CASD1: variants seen among roughly 807,000 people sequenced by gnomAD.
CASD1 encodes the protein N-acetylneuraminate (7)9-O-acetyltransferase.
A neutral mutation model predicts 100.0 loss-of-function variants in CASD1; 41 were observed. The observed-to-expected ratio is 0.41, with a 90% CI of 0.32 to 0.53. CASD1 has a LOEUF of 0.53. CASD1 is among the 20% of genes least tolerant of loss of function. CASD1 has a pLI of 0.25. For synonymous variants in CASD1, 321 were observed against 315.6 expected, an observed-to-expected ratio of 1.02 and a Z score of -0.18; for missense variants, 774 against 948.7, an observed-to-expected ratio of 0.82 and a Z score of 2.42.
chr7:94,547,968 A>G (rs1333071559), intron 13 of CASD1, among the ~76,000 whole-genome samples: 2 of 150,728 alleles, frequency 1.3e-5, no homozygotes, highest in Non-Finnish European at 3.0e-5. Flanking sequence ...GTAGACTTTT[A>G]TATTTGTTTT....
the CASD1 span, among the ~76,000 whole-genome samples, chr7:94,564,596 C>G: frequency 6.6e-6 from 1 of 152,134 alleles, no homozygotes; most frequent in Non-Finnish European, 1.5e-5. Flanking sequence ...CTGCAGGGTC[C>G]TGGCTAAAGT....
In CASD1 at chr7:94,551,495, T is replaced by C; in HGVS notation, c.1956+17T>C. The C allele has an allele frequency of 7.6e-7, 1 of 1,316,884 alleles. No homozygotes were observed. The highest frequency in any genetic ancestry group is 1.0e-6 in the Non-Finnish European group (1 of 988,772). 81.6% of individuals were successfully genotyped at this position (1,316,884 alleles called of 1,614,324 possible). A position where few individuals can be genotyped will look rare whatever the true frequency, so the allele number is the denominator to read the frequency against. On this transcript the variant is annotated intron_variant, in intron 15 of 17. Coordinates refer to ENST00000297273, the MANE Select transcript of CASD1 (RefSeq NM_022900.5). ...TCTTTCTTGGTAAGTTTTGAAAACT[T>C]TCCAAAATTCTAAATGGTATGGAAT... is the stretch of plus-strand genomic sequence containing the variant.
the CASD1 span, among the ~76,000 whole-genome samples, chr7:94,611,719 C>A: frequency 6.6e-6 from 1 of 151,948 alleles, no homozygotes; most frequent in Non-Finnish European, 1.5e-5. Flanking sequence ...CACAAAAGTT[C>A]AAAGCTATGT....
intron 9 of CASD1, among the ~76,000 whole-genome samples, chr7:94,538,132 G>T (rs546656060): frequency 2.6e-5 from 4 of 152,266 alleles, no homozygotes; most frequent in African/African-American, 9.6e-5. Flanking sequence ...TATGACCTGT[G>T]AAAAAGATTT....
chr7:94,569,294 A>G, the CASD1 span, among the ~76,000 whole-genome samples: 1 of 152,240 alleles, frequency 6.6e-6, no homozygotes, highest in Non-Finnish European at 1.5e-5. Context: ...TGATAATTGT[A>G]ATTGGAACTA....
At chr7:94,611,555 T>C in the CASD1 span, among the ~76,000 whole-genome samples, 2 of 152,152 alleles carry the variant, frequency 1.3e-5, no homozygotes, top group East Asian at 1.9e-4. Flanking sequence ...ATAACAACTT[T>C]CTAAAATTGG....
chr7:94,549,119 A>T (rs1028907246), intron 13 of CASD1, among the ~76,000 whole-genome samples: 3 of 151,990 alleles, frequency 2.0e-5, no homozygotes, highest in African/African-American at 4.8e-5. Context: ...TACTGATACC[A>T]TACTGGCTGA....
At chr7:94,608,467 A>C in the CASD1 span, among the ~76,000 whole-genome samples, 1 of 152,274 alleles carries the variant, frequency 6.6e-6, no homozygotes, top group African/African-American at 2.4e-5. Context: ...ATGGATAGGA[A>C]GACTAAATAT....
intron 13 of CASD1, among the ~76,000 whole-genome samples, chr7:94,549,022 CTT>C (rs750925517): frequency 6.6e-6 from 1 of 151,902 alleles, no homozygotes; most frequent in Admixed American, 6.6e-5. Context: ...TCAGAGGACT[CTT>C]TTAACTCAAA....
At chr7:94,578,998 C>A in the CASD1 span, among the ~76,000 whole-genome samples, 8 of 151,874 alleles carry the variant, frequency 5.3e-5, no homozygotes, top group African/African-American at 1.9e-4. Context: ...ACCTTCATAA[C>A]TTTTATATTA....
the CASD1 span, chr7:94,629,074 A>G: frequency 6.6e-6 from 1 of 152,252 alleles, no homozygotes; most frequent in Non-Finnish European, 1.5e-5. Context: ...TTCTTATACA[A>G]TATAATTTTC....
At chr7:94,536,112 A>G (rs1462858376) in intron 8 of CASD1, among the ~76,000 whole-genome samples, 1 of 152,038 alleles carries the variant, frequency 6.6e-6, no homozygotes, top group East Asian at 1.9e-4. Context: ...GTGTGGTGGC[A>G]CACGCTTGTA....
In CASD1 at chr7:94,533,227, T is replaced by C. The variant is rs371747135; in HGVS notation, c.482T>C (p.Val161Ala). The change falls in exon 6 of 18, where the codon GTG becomes GCG. Residue 161 changes from valine (V) to alanine (A), a missense_variant. Transcript: ENST00000297273. ...TAGGATTCCATTGCAAAGCCACATG[T>C]GATTGTAGCAGGAGCTGCCACAGTA... Reference protein sequence around the residue: ...WTEDSIAKPHVIVAGAATWSI... With the variant: ...WTEDSIAKPHAIVAGAATWSI... 1.1e-5 allele frequency: 18 copies of C among 1,610,436 alleles called. No individual in the cohort carries two copies. The highest frequency in any genetic ancestry group is 1.5e-5 in the Non-Finnish European group (18 of 1,177,660).
chr7:94,615,260 G>A, the CASD1 span, among the ~76,000 whole-genome samples: 1 of 152,156 alleles, frequency 6.6e-6, no homozygotes, highest in Admixed American at 6.5e-5. Context: ...TCAGGAGGTT[G>A]AGGCAGGAGA....
At chr7:94,575,100 A>G in the CASD1 span, among the ~76,000 whole-genome samples, 1 of 151,784 alleles carries the variant, frequency 6.6e-6, no homozygotes, top group Admixed American at 6.6e-5. Context: ...TTTGGGGTTG[A>G]TTTGTTCTTG....
the CASD1 span, chr7:94,585,218 C>T: frequency 2.8e-6 from 1 of 361,698 alleles, no homozygotes; most frequent in Non-Finnish European, 5.0e-6. Context: ...TAAATTTCAC[C>T]AGTCATTAGG....
At chr7:94,539,869 A>G (rs1457359560) in intron 10 of CASD1, among the ~76,000 whole-genome samples, 1 of 152,170 alleles carries the variant, frequency 6.6e-6, no homozygotes, top group Non-Finnish European at 1.5e-5. Flanking sequence ...CTCAGTATTC[A>G]AAGAATCCAA....
chr7:94,572,334 T>C, the CASD1 span, among the ~76,000 whole-genome samples: 106 of 152,332 alleles, frequency 7.0e-4, 1 homozygote, highest in Admixed American at 2.8e-3. Flanking sequence ...AATTTCACTT[T>C]CAACTTATTT....
the CASD1 span, among the ~76,000 whole-genome samples, chr7:94,595,575 C>T: frequency 1.3e-5 from 2 of 152,142 alleles, no homozygotes; most frequent in African/African-American, 4.8e-5. Flanking sequence ...TTATTGAGTA[C>T]TGTAATGCCT....
Sources: allele counts gnomAD v4.1 joint callset (sites outside exome capture counted in the v4.1 genomes callset), GRCh38; gene constraint gnomAD v4.1.1; transcripts MANE v1.5; gene names NCBI Gene and HGNC (gene_info 2026-07-23, HGNC 2026-07-21).